Variants in ZBTB16 observed in about 807,000 individuals in gnomAD.
ZBTB16 encodes zinc finger and BTB domain containing 16.
ZBTB16 carries 8 observed loss-of-function variants against 56.8 expected under a neutral mutation model. The observed-to-expected ratio is 0.14, with a 90% confidence interval of 0.08 to 0.25. The LOEUF is 0.25. ZBTB16 is among the 10% of genes least tolerant of loss of function. The probability of loss-of-function intolerance (pLI) is 1.00; values close to 1 mark genes in which losing one functional copy is unlikely to be tolerated. For missense variants in ZBTB16, 625 were observed against 903.0 expected (o/e 0.69, Z 3.95); for synonymous variants, 363 against 368.5 (o/e 0.98, Z 0.17).
chr11:114,255,264 C>T lies in ZBTB16; in HGVS notation c.*4709C>T, dbSNP rs1591820108. Among the ~76,000 whole-genome samples the T allele has an allele frequency of 6.6e-6, 1 of 152,148 alleles. No individual in the cohort carries two copies. The highest frequency in any genetic ancestry group is 2.4e-5 in the African/African-American group (1 of 41,420). On this transcript the variant is annotated 3_prime_UTR_variant, in exon 7 of 7. Transcript: ENST00000335953. ...ATGTCGTGATAGCACAAGTGCCAGT[C>T]GGATTGCTCTGTATTACAGAATAGT...
At position 114,089,701 on chromosome 11, in the gene ZBTB16, C is replaced by T. The variant is rs1018820825; in HGVS notation, c.1268+25133C>T. On this transcript the variant is annotated intron_variant, in intron 2 of 6. Coordinates refer to ENST00000335953, the MANE Select transcript of ZBTB16 (RefSeq NM_006006.6). ...ATGACCTAGCTACGGTCCTCATGTG[C>T]CCACTGGGGAATCATCTTTTTGCAT... is the stretch of plus-strand genomic sequence containing the variant. 1.6e-4 allele frequency among the ~76,000 whole-genome samples: 25 copies of T among 152,214 alleles called. 1 individual carries two copies. The highest frequency in any genetic ancestry group is 2.9e-5 in the Non-Finnish European group (2 of 68,040).
At chr11:114,235,880 C>T (rs2135186638) in intron 4 of ZBTB16, among the ~76,000 whole-genome samples, 1 of 150,828 alleles carries the variant, frequency 6.6e-6, no homozygotes, top group East Asian at 2.0e-4. Flanking sequence ...GCAGTGTTGC[C>T]ACTGGGGGGT....
intron 2 of ZBTB16, among the ~76,000 whole-genome samples, chr11:114,148,380 CCTTCCTT>C: frequency 7.1e-6 from 1 of 141,202 alleles, no homozygotes; most frequent in African/African-American, 2.7e-5. Context: ...TTCCTTCCTT[CCTTCCTT>C]CCTCCTTCCC....
At chr11:114,238,593 C>A (rs911612947) in intron 4 of ZBTB16, among the ~76,000 whole-genome samples, 2 of 152,018 alleles carry the variant, frequency 1.3e-5, no homozygotes, top group Non-Finnish European at 2.9e-5. Context: ...AATACCATCA[C>A]CTTAGGGGTT....
intron 2 of ZBTB16, among the ~76,000 whole-genome samples, chr11:114,146,640 A>G (rs571579197): frequency 6.6e-6 from 1 of 151,984 alleles, no homozygotes; most frequent in South Asian, 2.1e-4. Context: ...TGAGGTCAGG[A>G]GTTGGAGACA....
chr11:114,109,837 A>G (rs1257133263), intron 2 of ZBTB16, among the ~76,000 whole-genome samples: 2 of 152,152 alleles, frequency 1.3e-5, no homozygotes, highest in African/African-American at 2.4e-5. Flanking sequence ...TCTCTCAGAC[A>G]GTGTGGTATG....
intron 2 of ZBTB16, among the ~76,000 whole-genome samples, chr11:114,094,953 C>T (rs950615951): frequency 2.6e-5 from 4 of 152,248 alleles, no homozygotes; most frequent in Non-Finnish European, 4.4e-5. Context: ...CAGAGTGCTT[C>T]GCACTGGGCT....
chr11:114,244,718 A>T (rs758815654), intron 5 of ZBTB16, among the ~76,000 whole-genome samples: 31 of 151,880 alleles, frequency 2.0e-4, no homozygotes, highest in Non-Finnish European at 4.3e-4. Context: ...ATTTAAACTC[A>T]TTTAACATGT....
At chr11:114,147,356 A>G (rs890051964) in intron 2 of ZBTB16, among the ~76,000 whole-genome samples, 1 of 152,240 alleles carries the variant, frequency 6.6e-6, no homozygotes, top group African/African-American at 2.4e-5. Flanking sequence ...GTATCCAGGC[A>G]GAACAAGGAG....
At chr11:114,093,934 A>G (rs1591658923) in intron 2 of ZBTB16, among the ~76,000 whole-genome samples, 1 of 152,198 alleles carries the variant, frequency 6.6e-6, no homozygotes, top group Non-Finnish European at 1.5e-5. Context: ...TTCTGTATTC[A>G]TGTGTTTGGA....
chr11:114,093,564 A>G (rs1940273542), intron 2 of ZBTB16, among the ~76,000 whole-genome samples: 1 of 152,182 alleles, frequency 6.6e-6, no homozygotes, highest in African/African-American at 2.4e-5. Flanking sequence ...TGGCCCAAGG[A>G]TGGTGGAGCA....
chr11:114,110,370 T>G (rs560220642), intron 2 of ZBTB16, among the ~76,000 whole-genome samples: 57 of 152,314 alleles, frequency 3.7e-4, no homozygotes, highest in Admixed American at 3.3e-3. Context: ...CCTGGGAAGT[T>G]TTCTTTTTCG....
At chr11:114,144,543 G>T (rs913848392) in intron 2 of ZBTB16, among the ~76,000 whole-genome samples, 2 of 152,182 alleles carry the variant, frequency 1.3e-5, no homozygotes, top group African/African-American at 4.8e-5. Flanking sequence ...GGTAGAAAAA[G>T]AAGTTTGGGG....
chr11:114,199,648 T>G (rs1156407066), intron 4 of ZBTB16, among the ~76,000 whole-genome samples: 2 of 152,212 alleles, frequency 1.3e-5, no homozygotes, highest in African/African-American at 4.8e-5. Context: ...CTTCGTTTCC[T>G]TGCTTCTCTC....
chr11:114,221,309 G>A lies in ZBTB16; in HGVS notation c.1454-20858G>A, dbSNP rs538471237. 5.9e-5 allele frequency among the ~76,000 whole-genome samples: 9 copies of A among 152,272 alleles called. No individual in the cohort carries two copies. The East Asian group carries it at 1.2e-3, about 20-fold the overall frequency. ...CTGAGGCAGACTCTCTGTACCAACC[G>A]TGTGTGACTGCTGATCCAGCTCTGC... On this transcript the variant is annotated intron_variant, in intron 4 of 6. Transcript: ENST00000335953.
chr11:114,161,814 C>G (rs1450854310), intron 3 of ZBTB16, among the ~76,000 whole-genome samples: 3 of 151,684 alleles, frequency 2.0e-5, no homozygotes, highest in Non-Finnish European at 4.4e-5. Context: ...GACTGTTGGG[C>G]TTTTTTTTAT....
intron 4 of ZBTB16, among the ~76,000 whole-genome samples, chr11:114,191,484 C>G (rs1943492298): frequency 6.6e-6 from 1 of 152,150 alleles, no homozygotes. Flanking sequence ...GCCGTACCAT[C>G]TAGGCTTATG....
chr11:114,144,502 C>T (rs1371606117), intron 2 of ZBTB16, among the ~76,000 whole-genome samples: 4 of 152,064 alleles, frequency 2.6e-5, no homozygotes, highest in East Asian at 1.9e-4. Context: ...GAAAGGAATA[C>T]GGCTGACTTC....
At chr11:114,118,053 C>A (rs980227412) in intron 2 of ZBTB16, among the ~76,000 whole-genome samples, 3 of 152,156 alleles carry the variant, frequency 2.0e-5, no homozygotes, top group African/African-American at 7.2e-5. Flanking sequence ...TGTAGAGGCA[C>A]AACTGACTTA....
Sources: allele counts gnomAD v4.1 joint callset (sites outside exome capture counted in the v4.1 genomes callset), GRCh38; gene constraint gnomAD v4.1.1; transcripts MANE v1.5; gene names NCBI Gene and HGNC (gene_info 2026-07-23, HGNC 2026-07-21).